Variants in DGKH observed in about 807,000 individuals in gnomAD.
DGKH encodes the protein diacylglycerol kinase eta, also known as DAG kinase eta.
A neutral mutation model predicts 159.3 loss-of-function variants in DGKH; 90 were observed. The ratio of observed to expected loss-of-function variants is 0.57; its 90% confidence interval spans 0.48 to 0.67. The LOEUF (loss-of-function observed/expected upper bound fraction) is 0.67. DGKH is among the 30% of genes least tolerant of loss of function. The pLI, the probability that DGKH is intolerant of heterozygous loss-of-function variation, is 0.00. For synonymous variants in DGKH, 536 were observed against 553.8 expected, an observed-to-expected ratio of 0.97 and a Z score of 0.45; for missense variants, 1,181 against 1,506.1, an observed-to-expected ratio of 0.78 and a Z score of 3.57.
Position 42,160,044 on chromosome 13 carries a change from C to G in DGKH, c.763C>G (p.Leu255Val). The change falls in exon 7 of 30, where the codon CTG (leucine) becomes GTG (valine). Residue 255 changes from leucine (L) to valine (V), a missense_variant. Transcript: ENST00000337343. ...GCCTCACCAGTGGCTTGAGGGCAACCTGCCTGTAAGTGCCAAGTGTGCTGT... is the reference window on the plus strand; with the variant it reads ...GCCTCACCAGTGGCTTGAGGGCAACGTGCCTGTAAGTGCCAAGTGTGCTGT... ...AMPHQWLEGNLPVSAKCAVCD... is the reference protein window; with the variant it reads ...AMPHQWLEGNVPVSAKCAVCD... 1 of 1,614,188 alleles carries G rather than the reference C, an allele frequency of 6.2e-7. No homozygotes were observed. The highest frequency in any genetic ancestry group is 8.5e-7 in the Non-Finnish European group (1 of 1,180,036).
At chr13:42,228,686 AAGAGAG>A (rs10571520) in intron 29 of DGKH, among the ~76,000 whole-genome samples, 16,691 of 151,086 alleles carry the variant, frequency 0.11, 1,224 homozygotes, top group Non-Finnish European at 0.15. Context: ...AGAGAAAAGA[AAGAGAG>A]AGAGATGAAA....
At chr13:42,125,751 T>C (rs1004620839) in intron 1 of DGKH, among the ~76,000 whole-genome samples, 2 of 152,196 alleles carry the variant, frequency 1.3e-5, no homozygotes, top group African/African-American at 2.4e-5. Context: ...ATTATGTCTT[T>C]ATGGTAGTAA....
At chr13:42,121,280 A>G (rs1955066581) in intron 1 of DGKH, among the ~76,000 whole-genome samples, 1 of 152,218 alleles carries the variant, frequency 6.6e-6, no homozygotes, top group Admixed American at 6.5e-5. Flanking sequence ...TCAATACTTT[A>G]TTAGAAAATA....
intron 29 of DGKH, among the ~76,000 whole-genome samples, chr13:42,252,219 C>T (rs1316223094): frequency 2.6e-5 from 4 of 151,660 alleles, no homozygotes; most frequent in Non-Finnish European, 4.4e-5. Flanking sequence ...TAAAACTGTC[C>T]AGTAATAGTG....
downstream of DGKH, among the ~76,000 whole-genome samples, chr13:42,245,913 A>G (rs771111690): frequency 2.6e-5 from 4 of 152,214 alleles, no homozygotes; most frequent in Non-Finnish European, 4.4e-5. Context: ...CTGAAGGGCT[A>G]GCTGAATCAT....
chr13:42,201,149 C>T (rs770529176), intron 20 of DGKH, among the ~76,000 whole-genome samples: 32 of 152,102 alleles, frequency 2.1e-4, no homozygotes, highest in Non-Finnish European at 4.0e-4. Flanking sequence ...CACGCCACCA[C>T]GCCCAGCTAA....
At chr13:42,134,830 A>C (rs1955367602) in intron 3 of DGKH, among the ~76,000 whole-genome samples, 1 of 152,144 alleles carries the variant, frequency 6.6e-6, no homozygotes, top group Admixed American at 6.5e-5. Context: ...TACAAAAATT[A>C]GCTGGACGTA....
chr13:42,069,032 G>A (rs1593980754), intron 1 of DGKH: 1 of 1,447,306 alleles, frequency 6.9e-7, no homozygotes, highest in East Asian at 2.3e-5. Flanking sequence ...GACTTAAGTG[G>A]TGACCCAACT....
intron 1 of DGKH, among the ~76,000 whole-genome samples, chr13:42,056,047 G>A (rs1331226974): frequency 1.3e-5 from 2 of 152,146 alleles, no homozygotes; most frequent in African/African-American, 4.8e-5. Context: ...CCAGCTACTT[G>A]GAACCACTGC....
At chr13:42,157,505 C>T (rs1594111986) in intron 5 of DGKH, among the ~76,000 whole-genome samples, 1 of 151,980 alleles carries the variant, frequency 6.6e-6, no homozygotes, top group Admixed American at 6.5e-5. Context: ...TTGTTATATT[C>T]GGCCGGGCAC....
intron 3 of DGKH, among the ~76,000 whole-genome samples, chr13:42,155,062 GCCT>G (rs1956008870): frequency 6.6e-6 from 1 of 152,146 alleles, no homozygotes; most frequent in African/African-American, 2.4e-5. Context: ...TGGGTCCATA[GCCT>G]TAGAAAAAAG....
At chr13:42,174,220 A>G (rs1956544866) in intron 12 of DGKH, 76 bp downstream of exon 12, 2 of 1,195,156 alleles carry the variant, frequency 1.7e-6, no homozygotes, top group Admixed American at 2.0e-5. Context: ...GAGAGAGAAA[A>G]TGTACTCCTA....
downstream of DGKH, among the ~76,000 whole-genome samples, chr13:42,244,505 C>T (rs1473577430): frequency 2.6e-5 from 4 of 152,218 alleles, no homozygotes; most frequent in Non-Finnish European, 5.9e-5. Flanking sequence ...CAGTGCTGAT[C>T]GCAGAGCCCA....
chr13:42,181,570 T>G, intron 13 of DGKH: 1 of 275,708 alleles, frequency 3.6e-6, no homozygotes, highest in Admixed American at 3.9e-5. Context: ...CTGTTCTGTC[T>G]TATACAAGCA....
intron 1 of DGKH, among the ~76,000 whole-genome samples, chr13:42,095,831 G>T (rs1005872472): frequency 6.6e-6 from 1 of 152,190 alleles, no homozygotes; most frequent in African/African-American, 2.4e-5. Context: ...TAGTTGGGAA[G>T]TAACTATGCA....
chr13:42,226,510 A>G (rs967798632), intron 29 of DGKH, among the ~76,000 whole-genome samples: 4 of 152,204 alleles, frequency 2.6e-5, no homozygotes, highest in Non-Finnish European at 5.9e-5. Context: ...TGTTCATTGC[A>G]GCACTGTTAA....
intron 30 of DGKH, among the ~76,000 whole-genome samples, chr13:42,254,060 G>T (rs974507334): frequency 1.3e-5 from 2 of 151,630 alleles, no homozygotes; most frequent in African/African-American, 2.4e-5. Flanking sequence ...AGATGTTTCT[G>T]GTGGGAGAGT....
chr13:42,219,443 G>GA, intron 27 of DGKH, 94 bp downstream of exon 27: 2 of 1,496,132 alleles, frequency 1.3e-6, no homozygotes, highest in South Asian at 2.6e-5. Context: ...AGGGAAAAAT[G>GA]AATTTTGAAT....
chr13:42,173,942 TGTG>T, intron 11 of DGKH, 115 bp from the exon 12 acceptor site: 1 of 298,878 alleles, frequency 3.3e-6, no homozygotes, highest in Non-Finnish European at 6.0e-6. Context: ...AGTTCATGAA[TGTG>T]TGTGTGTGTG....
Sources: gnomAD v4.1 joint callset for allele counts (sites outside exome capture counted in the v4.1 genomes callset) on GRCh38, gnomAD v4.1.1 for gene constraint, MANE v1.5 for transcripts, NCBI Gene and HGNC (gene_info 2026-07-23, HGNC 2026-07-21) for gene names.